The following ADAMTSL1 variants were observed in gnomAD, a reference collection of about 807,000 sequenced individuals.
ADAMTSL1 encodes ADAMTS-like protein 1.
ADAMTSL1 carries 126 observed loss-of-function variants against 201.8 expected under a neutral mutation model. That is an observed-to-expected ratio of 0.62 (90% CI 0.54 to 0.72). The LOEUF (loss-of-function observed/expected upper bound fraction) is 0.72. Among genes scored for constraint, ADAMTSL1 ranks in the 30% least tolerant of loss-of-function variants. The pLI, the probability that ADAMTSL1 is intolerant of heterozygous loss-of-function variation, is 0.00. For missense variants in ADAMTSL1, 2,679 were observed against 2,277.8 expected, an observed-to-expected ratio of 1.18 and a Z score of -3.59; for synonymous variants, 1,121 against 903.4, an observed-to-expected ratio of 1.24 and a Z score of -4.32.
intron 2 of ADAMTSL1, among the ~76,000 whole-genome samples, chr9:18,205,295 A>C (rs773082802): frequency 6.6e-6 from 1 of 152,218 alleles, no homozygotes; most frequent in Non-Finnish European, 1.5e-5. Flanking sequence ...ATTTAATTGA[A>C]TTCTAAGAGA....
chr9:18,838,948 C>T (rs1461673219), intron 23 of ADAMTSL1, among the ~76,000 whole-genome samples: 1 of 150,190 alleles, frequency 6.7e-6, no homozygotes, highest in Non-Finnish European at 1.5e-5. Flanking sequence ...CTTTTTCCAG[C>T]ATCTTACTTA....
chr9:17,907,868 G>C (rs1825784982), intron 1 of ADAMTSL1, among the ~76,000 whole-genome samples: 1 of 152,122 alleles, frequency 6.6e-6, no homozygotes, highest in Non-Finnish European at 1.5e-5. Context: ...CCATAGATTT[G>C]CCTTTCACAG....
intron 2 of ADAMTSL1, among the ~76,000 whole-genome samples, chr9:18,210,475 A>G (rs1401823414): frequency 1.4e-5 from 2 of 147,188 alleles, no homozygotes; most frequent in Non-Finnish European, 3.0e-5. Flanking sequence ...ATTATATATG[A>G]TATATAAATA....
rs528785007 is a variant in ADAMTSL1 at position 18,674,006 on chromosome 9, G to A, written c.1086-1851G>A. Among the ~76,000 whole-genome samples the A allele has an allele frequency of 1.1e-4, 17 of 151,970 alleles. No homozygotes were observed. In the East Asian group the frequency reaches 2.5e-3, roughly 23 times the overall value. ...TTAGAATGATTGTAACATGAGGAAC[G>A]ATTGAGCTTTCACCTGATTTCTTAT... On this transcript the variant is annotated intron_variant, in intron 9 of 28. Coordinates refer to ENST00000380548, the MANE Select transcript of ADAMTSL1 (RefSeq NM_001040272.6).
intron 23 of ADAMTSL1, among the ~76,000 whole-genome samples, chr9:18,848,337 C>T (rs953663725): frequency 6.6e-6 from 1 of 152,236 alleles, no homozygotes; most frequent in Non-Finnish European, 1.5e-5. Context: ...CCGTCTTCTA[C>T]AACCCATGTA....
intron 2 of ADAMTSL1, among the ~76,000 whole-genome samples, chr9:18,518,532 C>G (rs1818498399): frequency 1.3e-5 from 2 of 152,128 alleles, no homozygotes; most frequent in Non-Finnish European, 2.9e-5. Flanking sequence ...ACCACATTCT[C>G]TTTATCTAGT....
At position 18,085,684 on chromosome 9, in the gene ADAMTSL1, CTG is replaced by C. The variant is rs755400882; in HGVS notation, c.88-78166_88-78165del. ...GTGTGTGTATATATATACATATACT[CTG>C]TGTGTGTGTGTATATATATATACTG... On this transcript the variant is annotated intron_variant, in intron 1 of 29. Transcript: ENST00000680146. Among the ~76,000 whole-genome samples the C allele has an allele frequency of 7.2e-4, 107 of 148,250 alleles. 1 individual carries two copies. The East Asian group carries it at 0.013, about 18-fold the overall frequency.
At chr9:18,207,168 A>G (rs979577834) in intron 2 of ADAMTSL1, among the ~76,000 whole-genome samples, 2 of 152,130 alleles carry the variant, frequency 1.3e-5, no homozygotes, top group African/African-American at 4.8e-5. Flanking sequence ...TCCATCTCAA[A>G]GAAAAAAAAG....
intron 4 of ADAMTSL1, among the ~76,000 whole-genome samples, chr9:18,583,724 A>G (rs925489989): frequency 6.6e-6 from 1 of 152,134 alleles, no homozygotes; most frequent in Non-Finnish European, 1.5e-5. Flanking sequence ...GCTACCCAAG[A>G]CCGTGGGGAC....
chr9:17,934,009 G>T (rs1443450950), intron 1 of ADAMTSL1, among the ~76,000 whole-genome samples: 1 of 152,080 alleles, frequency 6.6e-6, no homozygotes, highest in Non-Finnish European at 1.5e-5. Flanking sequence ...TGTCTTTACG[G>T]TATTAACTTA....
At chr9:18,897,792 C>T (rs1046228522) in intron 26 of ADAMTSL1, among the ~76,000 whole-genome samples, 1 of 152,184 alleles carries the variant, frequency 6.6e-6, no homozygotes, top group Admixed American at 6.5e-5. Flanking sequence ...CAGAGTGCCT[C>T]TTCTCCTCTA....
Position 18,886,182 on chromosome 9 carries a change from A to G in ADAMTSL1, c.4250-1649A>G, listed in dbSNP as rs868358156. 2.2e-3 allele frequency among the ~76,000 whole-genome samples: 262 copies of G among 120,648 alleles called. 6 individuals are homozygous for G. Among genetic ancestry groups the G allele is most frequent in the South Asian group, 3.0e-3 (10 of 3,354 alleles). The allele number at this position is 120,648 out of a possible 152,430, so 79.1% of individuals were successfully genotyped here. ...TGTGTATGTGTATATATATATATATATATATATATATATATATATATATAT... is the reference window on the plus strand; with the variant it reads ...TGTGTATGTGTATATATATATATATGTATATATATATATATATATATATAT... On this transcript the variant is annotated intron_variant, in intron 23 of 28. Transcript: ENST00000380548.
intron 1 of ADAMTSL1, among the ~76,000 whole-genome samples, chr9:17,913,317 C>T (rs1825963361): frequency 6.6e-6 from 1 of 152,126 alleles, no homozygotes; most frequent in Non-Finnish European, 1.5e-5. Flanking sequence ...ATTGATTCTT[C>T]CTACCCATGA....
chr9:18,656,231 A>T (rs1217692586), intron 7 of ADAMTSL1, among the ~76,000 whole-genome samples: 1 of 151,712 alleles, frequency 6.6e-6, no homozygotes, highest in South Asian at 2.1e-4. Flanking sequence ...TGCATCCGAG[A>T]TGTTTAATCC....
chr9:17,949,941 C>T (rs900618501), intron 1 of ADAMTSL1, among the ~76,000 whole-genome samples: 4 of 151,784 alleles, frequency 2.6e-5, no homozygotes, highest in African/African-American at 4.8e-5. Flanking sequence ...TTTTTTGAGA[C>T]GGTGTCTGGC....
At chr9:18,415,305 A>G (rs201955311) in intron 2 of ADAMTSL1, among the ~76,000 whole-genome samples, 222 of 152,324 alleles carry the variant, frequency 1.5e-3, no homozygotes, top group Non-Finnish European at 1.9e-3. Flanking sequence ...AGTTTATATG[A>G]TTGTGTTTCA....
At chr9:18,165,267 A>T (rs1827582521) in intron 2 of ADAMTSL1, among the ~76,000 whole-genome samples, 1 of 151,910 alleles carries the variant, frequency 6.6e-6, no homozygotes, top group African/African-American at 2.4e-5. Flanking sequence ...GTTTATGCAA[A>T]GTCCTGGCAA....
intron 1 of ADAMTSL1, among the ~76,000 whole-genome samples, chr9:18,161,115 C>T (rs542985122): frequency 2.0e-5 from 3 of 152,012 alleles, no homozygotes; most frequent in South Asian, 4.1e-4. Flanking sequence ...TTGGGAAATA[C>T]AAGCAGGCAG....
At chr9:18,889,333 G>C (rs1483618725) in intron 24 of ADAMTSL1, among the ~76,000 whole-genome samples, 1 of 152,118 alleles carries the variant, frequency 6.6e-6, no homozygotes, top group Non-Finnish European at 1.5e-5. Flanking sequence ...CAATAACTTG[G>C]TGAGGTGAGG....
Sources: gnomAD v4.1 joint callset for allele counts (sites outside exome capture counted in the v4.1 genomes callset) on GRCh38, gnomAD v4.1.1 for gene constraint, MANE v1.5 for transcripts, NCBI Gene and HGNC (gene_info 2026-07-23, HGNC 2026-07-21) for gene names.